Variants in ARHGAP15 observed in about 807,000 individuals in gnomAD.
ARHGAP15 encodes the protein Rho GTPase activating protein 15, also known as rho GTPase-activating protein 15.
Under a neutral mutation model 63.7 loss-of-function variants are expected in ARHGAP15, and 51 were observed. The ratio of observed to expected loss-of-function variants is 0.80; its 90% CI spans 0.64 to 1.01. The LOEUF is 1.01. ARHGAP15 is among the 50% of genes least tolerant of loss of function. ARHGAP15 has a pLI of 0.00. For synonymous variants in ARHGAP15, 191 were observed against 193.8 expected (o/e 0.99, Z 0.12); for missense variants, 560 against 564.6 (o/e 0.99, Z 0.08).
intron 13 of ARHGAP15, chr2:143,703,780 C>G (rs149040441): frequency 2.9e-5 from 9 of 311,772 alleles, no homozygotes; most frequent in African/African-American, 4.4e-5. Context: ...CTTGTCAGAA[C>G]CATCGCCTGG....
At chr2:143,402,799 A>T (rs1449589407) in intron 6 of ARHGAP15, among the ~76,000 whole-genome samples, 1 of 151,888 alleles carries the variant, frequency 6.6e-6, no homozygotes, top group Non-Finnish European at 1.5e-5. Context: ...CTGGCATCTA[A>T]TAGAGTAGAG....
rs533444354 is a variant in ARHGAP15 at position 143,590,861 on chromosome 2, ATAGCTG to A, written c.1004-33271_1004-33266del. 7.6e-3 allele frequency among the ~76,000 whole-genome samples: 1,164 copies of A among 152,276 alleles called. 10 individuals carry two copies. The highest frequency in any genetic ancestry group is 8.7e-3 in the Non-Finnish European group (589 of 68,018). On this transcript the variant is annotated intron_variant, in intron 11 of 13. Coordinates refer to ENST00000295095, the MANE Select transcript of ARHGAP15 (RefSeq NM_018460.4). ...AATTAAGTTTGGATGTGTGCCATGTATAGCTGCACATTTTTTATCAAGTGGTGAGTA... is the reference window on the plus strand; with the variant it reads ...AATTAAGTTTGGATGTGTGCCATGTACACATTTTTTATCAAGTGGTGAGTA...
At chr2:143,208,897 G>A (rs926159462) in intron 3 of ARHGAP15, among the ~76,000 whole-genome samples, 5 of 152,120 alleles carry the variant, frequency 3.3e-5, no homozygotes, top group African/African-American at 1.2e-4. Context: ...CCTGTGGCAG[G>A]TTTTTACAGA....
chr2:143,193,404 C>G (rs962997884), intron 2 of ARHGAP15: 1 of 152,662 alleles, frequency 6.6e-6, no homozygotes, highest in Non-Finnish European at 1.5e-5. Context: ...TGGCCTGAGC[C>G]AACATACTTA....
At chr2:143,147,535 C>T (rs894624660) in intron 1 of ARHGAP15, among the ~76,000 whole-genome samples, 5 of 152,070 alleles carry the variant, frequency 3.3e-5, no homozygotes, top group Admixed American at 1.3e-4. Flanking sequence ...CAGGCATTTT[C>T]TTCCTATTTG....
intron 9 of ARHGAP15, among the ~76,000 whole-genome samples, chr2:143,498,633 A>G (rs753526085): frequency 2.0e-5 from 3 of 152,168 alleles, no homozygotes; most frequent in Non-Finnish European, 4.4e-5. Context: ...ATAGGCAGCT[A>G]TATGTCATAA....
chr2:143,138,311 C>G (rs547969033), intron 1 of ARHGAP15, among the ~76,000 whole-genome samples: 1 of 151,908 alleles, frequency 6.6e-6, no homozygotes, highest in Non-Finnish European at 1.5e-5. Context: ...CAAAGCTTCT[C>G]GGTAGGCTGG....
intron 2 of ARHGAP15, among the ~76,000 whole-genome samples, chr2:143,157,785 T>C (rs939758606): frequency 7.2e-5 from 11 of 151,890 alleles, no homozygotes; most frequent in African/African-American, 2.7e-4. Flanking sequence ...GCATATTTAT[T>C]CAAACAAGCC....
chr2:143,670,640 C>G lies in ARHGAP15; in HGVS notation c.1139-32779C>G, dbSNP rs140541111. Among the ~76,000 whole-genome samples the G allele has an allele frequency of 1.5e-4, 23 of 152,252 alleles. No individual in the cohort carries two copies. The East Asian group carries it at 1.7e-3, about 11-fold the overall frequency. On this transcript the variant is annotated intron_variant, in intron 12 of 13. Coordinates refer to ENST00000295095, the MANE Select transcript of ARHGAP15 (RefSeq NM_018460.4). ...TGAACACATCACCATTCAAACCCAC[C>G]CTACCACCTTAGACCAAATTTCTTT... is the stretch of plus-strand genomic sequence containing the variant.
intron 1 of ARHGAP15, among the ~76,000 whole-genome samples, chr2:143,152,306 G>A (rs1574015670): frequency 6.6e-6 from 1 of 151,882 alleles, no homozygotes; most frequent in South Asian, 2.1e-4. Context: ...TAATATCCCA[G>A]GTATCTGCAC....
intron 9 of ARHGAP15, among the ~76,000 whole-genome samples, chr2:143,491,591 CA>C (rs1341059216): frequency 6.6e-6 from 1 of 152,140 alleles, no homozygotes; most frequent in Admixed American, 6.5e-5. Context: ...GAATAAATAG[CA>C]CACCTCAGGG....
chr2:143,252,540 T>G (rs977039066), intron 6 of ARHGAP15, among the ~76,000 whole-genome samples: 2 of 152,062 alleles, frequency 1.3e-5, no homozygotes. Context: ...GCTTTATTTT[T>G]TTTTAGTCTT....
chr2:143,689,816 A>C (rs190371791), intron 12 of ARHGAP15, among the ~76,000 whole-genome samples: 104 of 152,274 alleles, frequency 6.8e-4, no homozygotes, highest in African/African-American at 2.4e-3. Context: ...ATGGGACTAC[A>C]CAATTCCTAT....
chr2:143,254,026 C>T (rs1407216440), intron 6 of ARHGAP15, among the ~76,000 whole-genome samples: 3 of 152,110 alleles, frequency 2.0e-5, no homozygotes, highest in African/African-American at 4.8e-5. Context: ...CTATAACGAG[C>T]TGGGTACGCG....
intron 6 of ARHGAP15, among the ~76,000 whole-genome samples, chr2:143,330,761 A>G (rs1437213105): frequency 2.0e-5 from 3 of 152,166 alleles, no homozygotes; most frequent in Non-Finnish European, 4.4e-5. Context: ...ATGAGTTGTA[A>G]TTTTCCATTT....
chr2:143,178,493 A>G (rs1441459775), intron 2 of ARHGAP15, among the ~76,000 whole-genome samples: 1 of 152,246 alleles, frequency 6.6e-6, no homozygotes, highest in African/African-American at 2.4e-5. Context: ...ATAAATGTTC[A>G]TGATGTCTGT....
At chr2:143,552,572 G>C (rs58030643) in intron 10 of ARHGAP15, among the ~76,000 whole-genome samples, 1 of 151,410 alleles carries the variant, frequency 6.6e-6, no homozygotes, top group Admixed American at 6.6e-5. Context: ...TCGGGGTGGG[G>C]AGGCAGGGGA....
intron 8 of ARHGAP15, among the ~76,000 whole-genome samples, chr2:143,446,600 TA>T (rs1485364891): frequency 6.6e-6 from 1 of 152,176 alleles, no homozygotes; most frequent in Non-Finnish European, 1.5e-5. Context: ...CTCTAGAGAT[TA>T]AAGTTTGTCA....
chr2:143,667,495 C>T (rs1316771272), intron 12 of ARHGAP15, among the ~76,000 whole-genome samples: 1 of 147,762 alleles, frequency 6.8e-6, no homozygotes, highest in African/African-American at 2.5e-5. Flanking sequence ...GGGTGCAGCG[C>T]ACCAGCATGG....
Sources: gnomAD v4.1 joint callset for allele counts (sites outside exome capture counted in the v4.1 genomes callset) on GRCh38, gnomAD v4.1.1 for gene constraint, MANE v1.5 for transcripts, NCBI Gene and HGNC (gene_info 2026-07-23, HGNC 2026-07-21) for gene names.